NTNG1: variants seen among roughly 807,000 people sequenced by gnomAD.
NTNG1 encodes the protein netrin G1.
Under a neutral mutation model 54.0 loss-of-function variants are expected in NTNG1, and 16 were observed. The ratio of observed to expected loss-of-function variants is 0.30; its 90% CI spans 0.20 to 0.45. The LOEUF is 0.45. Ranked by LOEUF, NTNG1 falls within the 20% of genes least tolerant of loss-of-function variation. The probability of loss-of-function intolerance (pLI) is 1.00; values close to 1 mark genes in which losing one functional copy is unlikely to be tolerated. For synonymous variants in NTNG1, 255 were observed against 263.1 expected, an observed-to-expected ratio of 0.97 and a Z score of 0.30; for missense variants, 530 against 678.7, an observed-to-expected ratio of 0.78 and a Z score of 2.43.
intron 3 of NTNG1, among the ~76,000 whole-genome samples, chr1:107,345,350 T>G (rs1669153832): frequency 1.3e-5 from 2 of 152,156 alleles, no homozygotes; most frequent in Admixed American, 1.3e-4. Flanking sequence ...TAACTGACCC[T>G]TATTATTCTT....
intron 7 of NTNG1, among the ~76,000 whole-genome samples, chr1:107,476,271 A>C (rs535158144): frequency 2.0e-5 from 3 of 152,140 alleles, no homozygotes; most frequent in African/African-American, 7.2e-5. Flanking sequence ...GATGTTCTTC[A>C]GTTTTCTATC....
At chr1:107,300,698 C>A (rs1476840562) in intron 2 of NTNG1, among the ~76,000 whole-genome samples, 5 of 152,162 alleles carry the variant, frequency 3.3e-5, no homozygotes, top group Non-Finnish European at 7.4e-5. Context: ...TGATTCATCT[C>A]TTCTTTTTTA....
intron 5 of NTNG1, among the ~76,000 whole-genome samples, chr1:107,422,480 C>G (rs1674634569): frequency 6.6e-6 from 1 of 152,006 alleles, no homozygotes. Flanking sequence ...CAATGAGGTC[C>G]AGACACATTC....
At chr1:107,360,453 C>T (rs192704501) in intron 3 of NTNG1, among the ~76,000 whole-genome samples, 2 of 152,156 alleles carry the variant, frequency 1.3e-5, no homozygotes, top group East Asian at 1.9e-4. Context: ...ATGGAATACT[C>T]AAGGTGGAAA....
intron 2 of NTNG1, among the ~76,000 whole-genome samples, chr1:107,177,568 G>A (rs1039508741): frequency 3.3e-5 from 5 of 151,906 alleles, no homozygotes; most frequent in African/African-American, 1.2e-4. Flanking sequence ...CTCCTGACCT[G>A]GTGATCCGCC....
At chr1:107,379,876 G>C (rs144376910) in intron 3 of NTNG1, among the ~76,000 whole-genome samples, 2 of 152,162 alleles carry the variant, frequency 1.3e-5, no homozygotes, top group Non-Finnish European at 2.9e-5. Context: ...AGAAGACCAG[G>C]ATACAAGAGA....
intron 2 of NTNG1, among the ~76,000 whole-genome samples, chr1:107,255,293 T>A (rs549509090): frequency 1.3e-5 from 2 of 152,328 alleles, no homozygotes; most frequent in South Asian, 4.1e-4. Flanking sequence ...GTAACCATCA[T>A]GTCATTATGG....
At chr1:107,304,332 CA>C (rs1238306499) in intron 2 of NTNG1, among the ~76,000 whole-genome samples, 1 of 151,868 alleles carries the variant, frequency 6.6e-6, no homozygotes, top group Non-Finnish European at 1.5e-5. Flanking sequence ...TAGAGTGGCC[CA>C]AATTATATAT....
intron 2 of NTNG1, among the ~76,000 whole-genome samples, chr1:107,183,140 A>G (rs1402398118): frequency 6.6e-6 from 1 of 152,180 alleles, no homozygotes; most frequent in Non-Finnish European, 1.5e-5. Flanking sequence ...AGAGGTCATC[A>G]CAAACATTCA....
intron 3 of NTNG1, among the ~76,000 whole-genome samples, chr1:107,372,793 G>A (rs1470306562): frequency 2.0e-5 from 3 of 151,880 alleles, no homozygotes; most frequent in Non-Finnish European, 4.4e-5. Flanking sequence ...AATCAATTTT[G>A]CTTAATTCAA....
At chr1:107,235,205 C>T (rs767463241) in intron 2 of NTNG1, among the ~76,000 whole-genome samples, 4 of 152,082 alleles carry the variant, frequency 2.6e-5, no homozygotes, top group East Asian at 1.9e-4. Flanking sequence ...AGTTCTGACA[C>T]GGAAAGAGCT....
At chr1:107,335,782 A>G (rs1358709702) in intron 3 of NTNG1, among the ~76,000 whole-genome samples, 1 of 152,008 alleles carries the variant, frequency 6.6e-6, no homozygotes, top group African/African-American at 2.4e-5. Flanking sequence ...CAGTGCTTCT[A>G]TACACTAACA....
chr1:107,357,998 T>A (rs780520379), intron 3 of NTNG1, among the ~76,000 whole-genome samples: 4 of 152,190 alleles, frequency 2.6e-5, no homozygotes, highest in Admixed American at 1.3e-4. Context: ...TCTTTTAAAT[T>A]TCTGACCACT....
chr1:107,286,659 C>A (rs890210878), intron 2 of NTNG1, among the ~76,000 whole-genome samples: 1 of 152,118 alleles, frequency 6.6e-6, no homozygotes, highest in Non-Finnish European at 1.5e-5. Flanking sequence ...TAATTCAGTT[C>A]TCTTTTGCAA....
chr1:107,233,773 T>C (rs1469613026), intron 2 of NTNG1, among the ~76,000 whole-genome samples: 1 of 152,222 alleles, frequency 6.6e-6, no homozygotes, highest in Non-Finnish European at 1.5e-5. Context: ...CTGTTCAGGA[T>C]GGTTAATGAC....
In NTNG1 at chr1:107,342,617, T is replaced by A. The variant is rs1570721150; in HGVS notation, c.887+17695T>A. Among the ~76,000 whole-genome samples the A allele has an allele frequency of 4.6e-5, 7 of 152,238 alleles. 2 individuals are homozygous for A. Among genetic ancestry groups the A allele is most frequent in the Admixed American group, 4.6e-4 (7 of 15,278 alleles). On this transcript the variant is annotated intron_variant, in intron 3 of 7. Coordinates refer to ENST00000370068, the MANE Select transcript of NTNG1 (RefSeq NM_001113226.3). Reference sequence around the variant, plus strand: ...TGTGGTGAACCTACTTTGGATAATGTTGAAAAACTCAAATGCCAAATTTCT... The same window carrying A: ...TGTGGTGAACCTACTTTGGATAATGATGAAAAACTCAAATGCCAAATTTCT...
chr1:107,171,975 G>A (rs1656281758), intron 2 of NTNG1, among the ~76,000 whole-genome samples: 1 of 151,550 alleles, frequency 6.6e-6, no homozygotes. Flanking sequence ...AGAAATCTAG[G>A]AGTTTTTAGA....
chr1:107,441,361 C>T (rs1675953579), intron 7 of NTNG1, among the ~76,000 whole-genome samples: 1 of 151,966 alleles, frequency 6.6e-6, no homozygotes, highest in African/African-American at 2.4e-5. Flanking sequence ...ATTAAATCCA[C>T]CAATTGTTAA....
chr1:107,376,127 A>G (rs923237484), intron 3 of NTNG1, among the ~76,000 whole-genome samples: 7 of 152,226 alleles, frequency 4.6e-5, no homozygotes, highest in Non-Finnish European at 8.8e-5. Flanking sequence ...ATATAATAAT[A>G]TTGCTATTGT....
Sources: allele counts gnomAD v4.1 joint callset (sites outside exome capture counted in the v4.1 genomes callset), GRCh38; gene constraint gnomAD v4.1.1; transcripts MANE v1.5; gene names NCBI Gene and HGNC (gene_info 2026-07-23, HGNC 2026-07-21).